The following KMT2C variants were observed in gnomAD, a reference collection of about 807,000 sequenced individuals.
KMT2C encodes the protein histone-lysine N-methyltransferase 2C.
A neutral mutation model predicts 507.9 loss-of-function variants in KMT2C; 88 were observed. That is an observed-to-expected ratio of 0.17 (90% CI 0.15 to 0.21). KMT2C has a LOEUF of 0.21. KMT2C is among the 10% of genes least tolerant of loss of function. KMT2C has a pLI of 1.00. For synonymous variants in KMT2C, 2,049 were observed against 2,080.8 expected (o/e 0.98, Z 0.42); for missense variants, 4,954 against 5,957.8 (o/e 0.83, Z 5.55).
chr7:152,343,771 A>G (rs752853802), intron 2 of KMT2C, among the ~76,000 whole-genome samples: 4 of 152,198 alleles, frequency 2.6e-5, no homozygotes, highest in Non-Finnish European at 5.9e-5. Context: ...ACATGTTGAG[A>G]GAAAGAAAAC....
chr7:152,157,881 G>C (rs1262192042), intron 44 of KMT2C: 1 of 1,339,772 alleles, frequency 7.5e-7, no homozygotes, highest in Non-Finnish European at 9.8e-7. Context: ...AGTGCGCAAA[G>C]TTCACTCCAA....
intron 1 of KMT2C, chr7:152,368,597 A>C (rs996599931): frequency 7.0e-7 from 1 of 1,426,516 alleles, no homozygotes; most frequent in African/African-American, 1.4e-5. Context: ...GCTCAACAAC[A>C]TATTTTAGAA....
At chr7:152,279,233 T>C (rs1222540092) in intron 6 of KMT2C, among the ~76,000 whole-genome samples, 3 of 152,192 alleles carry the variant, frequency 2.0e-5, no homozygotes, top group Non-Finnish European at 4.4e-5. Flanking sequence ...CGGCAGAGTT[T>C]CAATCAAGAA....
chr7:152,207,486 T>C, intron 23 of KMT2C, 58 bp from the exon 24 acceptor site: 3 of 1,460,934 alleles, frequency 2.1e-6, no homozygotes, highest in Non-Finnish European at 2.8e-6. Context: ...ATATAATCCC[T>C]ACATAATGGG....
intron 52 of KMT2C, among the ~76,000 whole-genome samples, chr7:152,147,083 T>A (rs1188119098): frequency 2.6e-5 from 4 of 152,228 alleles, no homozygotes; most frequent in African/African-American, 9.6e-5. Flanking sequence ...TATAGCTATG[T>A]TCCTTTCCCC....
chr7:152,227,464 A>G (rs1472927367), intron 18 of KMT2C, among the ~76,000 whole-genome samples: 2 of 152,250 alleles, frequency 1.3e-5, no homozygotes, highest in East Asian at 3.8e-4. Flanking sequence ...AAAATGGGAC[A>G]AAGTGTATGA....
At chr7:152,301,150 C>T (rs1443563622) in intron 6 of KMT2C, among the ~76,000 whole-genome samples, 1 of 150,908 alleles carries the variant, frequency 6.6e-6, no homozygotes, top group East Asian at 2.0e-4. Flanking sequence ...ACTGCTTGGG[C>T]CCAGGAATTG....
intron 31 of KMT2C, among the ~76,000 whole-genome samples, chr7:152,188,887 G>A (rs1022124967): frequency 3.3e-5 from 5 of 152,132 alleles, no homozygotes; most frequent in African/African-American, 7.2e-5. Context: ...GGGATTACAG[G>A]TGTGAGCCAC....
chr7:152,408,440 A>C (rs1463333670), intron 1 of KMT2C, among the ~76,000 whole-genome samples: 1 of 152,268 alleles, frequency 6.6e-6, no homozygotes, highest in East Asian at 1.9e-4. Flanking sequence ...TATCGTACTC[A>C]GGGTTCCCCC....
chr7:152,290,684 T>C (rs1403073001), intron 6 of KMT2C, among the ~76,000 whole-genome samples: 1 of 152,064 alleles, frequency 6.6e-6, no homozygotes, highest in Admixed American at 6.6e-5. Context: ...ACCAAACCAC[T>C]TGAAAAACTT....
Position 152,178,007 on chromosome 7 carries a change from A to C in KMT2C, c.7446T>G (p.Phe2482Leu). 1.6e-6 allele frequency: 2 copies of C among 1,257,032 alleles called. No homozygotes were observed. The highest frequency in any genetic ancestry group is 1.8e-5 in the African/African-American group (1 of 56,026). The allele number at this position is 1,257,032 out of a possible 1,614,324, so 77.9% of individuals were successfully genotyped here. ...TACCATGACTACCTCCTGGAAATCC[A>C]AATCTTTTAAAAAAAAAAAAAAAAA... The part of the protein sequence containing the change: ...SMGMRPHGFR[F>L]GFPGGSHGTM... The change falls in exon 38 of 59, where the codon TTT (phenylalanine) becomes TTG (leucine). Residue 2482 changes from phenylalanine to leucine, a missense_variant. Around this residue, in one of 29 missense-constraint regions of KMT2C, gnomAD observed 1,689 missense variants for 1,654.3 expected, o/e 1.02. Coordinates refer to ENST00000262189, the MANE Select transcript of KMT2C (RefSeq NM_170606.3).
At chr7:152,214,304 T>C (rs990368723) in intron 23 of KMT2C, among the ~76,000 whole-genome samples, 2 of 152,156 alleles carry the variant, frequency 1.3e-5, no homozygotes, top group African/African-American at 4.8e-5. Context: ...AGCCAAGATA[T>C]GGAAACAAAC....
At position 152,224,616 on chromosome 7, in the gene KMT2C, T is replaced by C. The variant is rs1432394805; in HGVS notation, c.2977A>G (p.Ile993Val). 12 of 1,493,560 alleles carry C rather than the reference T, an allele frequency of 8.0e-6. No individual in the cohort carries two copies. The highest frequency in any genetic ancestry group is 1.1e-5 in the Non-Finnish European group (12 of 1,074,870). The allele number at this position is 1,493,560 out of a possible 1,614,324, so 92.5% of individuals were successfully genotyped here. A position where few individuals can be genotyped will look rare whatever the true frequency, so the allele number is the denominator to read the frequency against. Residue 993 changes from isoleucine (I) to valine (V), a missense_variant and splice_region_variant, in exon 19 of 59, where the codon ATC (isoleucine) becomes GTC (valine). By Grantham distance (29) the Ile-to-Val change is conservative. Transcript: ENST00000262189. ...CYHPYCVSIK[I>V]TKVVLSKGWR... ...CCTTTGCTAAGAACCACTTTAGTGA[T>C]CTGTAAAAGAAACAACCAATCCATG...
At chr7:152,221,647 T>A (rs1034494783) in intron 22 of KMT2C, among the ~76,000 whole-genome samples, 1 of 152,222 alleles carries the variant, frequency 6.6e-6, no homozygotes, top group Non-Finnish European at 1.5e-5. Context: ...TTAATTATTT[T>A]AAAAATTAAG....
At chr7:152,414,228 A>C (rs576590984) in intron 1 of KMT2C, among the ~76,000 whole-genome samples, 1 of 146,700 alleles carries the variant, frequency 6.8e-6, no homozygotes, top group Non-Finnish European at 1.5e-5. Context: ...AAAAAAATGC[A>C]TATGAAACAC....
intron 1 of KMT2C, among the ~76,000 whole-genome samples, chr7:152,385,250 G>A (rs2097413498): frequency 6.6e-6 from 1 of 151,654 alleles, no homozygotes; most frequent in East Asian, 1.9e-4. Context: ...GAATAAAAAG[G>A]AAGGTGGTAT....
At chr7:152,336,604 A>C (rs1029180378) in intron 2 of KMT2C, among the ~76,000 whole-genome samples, 1 of 152,198 alleles carries the variant, frequency 6.6e-6, no homozygotes, top group African/African-American at 2.4e-5. Context: ...CTAAAGAAAG[A>C]AGCTAGCCAT....
chr7:152,354,727 T>A (rs2097139311), intron 2 of KMT2C, among the ~76,000 whole-genome samples: 1 of 152,124 alleles, frequency 6.6e-6, no homozygotes, highest in East Asian at 1.9e-4. Flanking sequence ...GTATGTTTGG[T>A]GGGCTCCTGG....
At position 152,331,286 on chromosome 7, in the gene KMT2C, G is replaced by C. The variant is rs559862622; in HGVS notation, c.251-547C>G. Among the ~76,000 whole-genome samples, 5 of 151,340 alleles carry C rather than the reference G, an allele frequency of 3.3e-5. No homozygotes were observed. In the South Asian group the frequency reaches 1.0e-3, roughly 32 times the overall value. ...GATCGTGCCACTGTACTCAGGCCTA[G>C]GTGACAAAGCCAGACCCTGTCTCAA... On this transcript the variant is annotated intron_variant, in intron 2 of 58. Transcript: ENST00000262189.
Sources: gnomAD v4.1 joint callset for allele counts (sites outside exome capture counted in the v4.1 genomes callset) on GRCh38, gnomAD v4.1.1 for gene constraint, gnomAD v4.1.1 regional missense constraint, MANE v1.5 for transcripts, NCBI Gene and HGNC (gene_info 2026-07-23, HGNC 2026-07-21) for gene names.